The following PKHD1 variants were observed in gnomAD, a reference collection of about 807,000 sequenced individuals.
The protein encoded by PKHD1 is PKHD1 ciliary IPT domain containing fibrocystin/polyductin.
Under a neutral mutation model 412.0 loss-of-function variants are expected in PKHD1, and 291 were observed. The ratio of observed to expected loss-of-function variants is 0.71; its 90% confidence interval spans 0.64 to 0.78. The LOEUF is 0.78. Ranked by LOEUF, PKHD1 falls within the 30% of genes least tolerant of loss-of-function variation. The pLI, the probability that PKHD1 is intolerant of heterozygous loss-of-function variation, is 0.00. For synonymous variants in PKHD1, 1,777 were observed against 1,821.5 expected (o/e 0.98, Z 0.62); for missense variants, 4,825 against 4,950.7 (o/e 0.97, Z 0.76).
chr6:51,722,132 C>G, intron 60 of PKHD1: 1 of 1,560,634 alleles, frequency 6.4e-7, no homozygotes, highest in South Asian at 1.1e-5. Context: ...TGAAAATACC[C>G]CACACCTTGT....
At chr6:51,798,990 T>G (rs999771866) in intron 52 of PKHD1, among the ~76,000 whole-genome samples, 4 of 152,182 alleles carry the variant, frequency 2.6e-5, no homozygotes, top group African/African-American at 9.7e-5. Context: ...GAAGAAATTT[T>G]CCCTTTCAAT....
chr6:51,878,728 G>A (rs375622203), intron 46 of PKHD1, among the ~76,000 whole-genome samples: 36 of 23,908 alleles, frequency 1.5e-3, no homozygotes, highest in Non-Finnish European at 1.9e-3. Flanking sequence ...CTCTCTCACC[G>A]CTCCTATTCA....
chr6:51,717,506 T>C (rs1446745723), intron 60 of PKHD1, among the ~76,000 whole-genome samples: 3 of 152,206 alleles, frequency 2.0e-5, no homozygotes, highest in Non-Finnish European at 4.4e-5. Flanking sequence ...GTTCTATGTT[T>C]AGATAAACAA....
chr6:51,683,685 G>A (rs1480439690), intron 60 of PKHD1, among the ~76,000 whole-genome samples: 1 of 151,910 alleles, frequency 6.6e-6, no homozygotes, highest in Non-Finnish European at 1.5e-5. Context: ...TAAATTCCGG[G>A]GGCAGTGTGA....
At chr6:51,998,643 GTTGT>G (rs1311250460) in intron 35 of PKHD1, among the ~76,000 whole-genome samples, 1 of 151,890 alleles carries the variant, frequency 6.6e-6, no homozygotes, top group Admixed American at 6.5e-5. Flanking sequence ...TGCCTTTCCT[GTTGT>G]TTATTTGTTT....
At chr6:51,931,476 A>G (rs1415608387) in intron 37 of PKHD1, among the ~76,000 whole-genome samples, 1 of 152,172 alleles carries the variant, frequency 6.6e-6, no homozygotes, top group Non-Finnish European at 1.5e-5. Flanking sequence ...TAGCCATGAT[A>G]TACCACCACG....
At chr6:51,890,586 G>T (rs987327453) in intron 43 of PKHD1, among the ~76,000 whole-genome samples, 3 of 152,006 alleles carry the variant, frequency 2.0e-5, no homozygotes, top group African/African-American at 7.3e-5. Flanking sequence ...GGCACCGGAG[G>T]TAGTGTTTGA....
rs765481635 is a variant in PKHD1 at position 51,772,744 on chromosome 6, G to A, written c.8600C>T (p.Ser2867Phe). ...VHLYSAYPKN[S>F]WTHLGADIAS... is the part of the protein sequence containing the mutation. ...AATATCAGCTCCAAGATGTGTCCAG[G>A]AGTTCTTAGGATAAGCACTGTAAAG... The change falls in exon 55 of 67, where the codon TCC (serine) becomes TTC (phenylalanine). Residue 2867 changes from serine to phenylalanine, a missense_variant. Transcript: ENST00000371117. 7 of 1,600,440 alleles carry A rather than the reference G, an allele frequency of 4.4e-6. No individual in the cohort carries two copies. Among genetic ancestry groups the A allele is most frequent in the Non-Finnish European group, 6.0e-6 (7 of 1,168,340 alleles).
At chr6:51,712,579 T>C (rs1227207124) in intron 60 of PKHD1, among the ~76,000 whole-genome samples, 1 of 152,224 alleles carries the variant, frequency 6.6e-6, no homozygotes, top group Admixed American at 6.5e-5. Flanking sequence ...GGTTCAGATA[T>C]ACCATTTGTT....
At chr6:51,926,364 G>A (rs551607417) in intron 37 of PKHD1, among the ~76,000 whole-genome samples, 10 of 152,018 alleles carry the variant, frequency 6.6e-5, no homozygotes, top group South Asian at 2.1e-4. Context: ...TTTTCTTTTC[G>A]CCTCAAGTTT....
At chr6:51,701,910 A>G (rs983457033) in intron 60 of PKHD1, among the ~76,000 whole-genome samples, 1 of 151,716 alleles carries the variant, frequency 6.6e-6, no homozygotes, top group African/African-American at 2.4e-5. Flanking sequence ...GAGAAAATTA[A>G]TTTCCACATT....
At chr6:51,807,437 C>CAAAAAA (rs1174429085) in intron 52 of PKHD1, among the ~76,000 whole-genome samples, 2 of 39,106 alleles carry the variant, frequency 5.1e-5, no homozygotes, top group Admixed American at 3.8e-4. Flanking sequence ...GACTCTGTCT[C>CAAAAAA]AAAAAAAAAA....
intron 60 of PKHD1, among the ~76,000 whole-genome samples, chr6:51,660,579 C>T (rs1010201845): frequency 6.6e-6 from 1 of 152,162 alleles, no homozygotes; most frequent in Non-Finnish European, 1.5e-5. Context: ...TCAGGGCTCT[C>T]AGGACTCCAT....
chr6:51,961,966 C>G (rs1792107755), intron 35 of PKHD1, among the ~76,000 whole-genome samples: 1 of 152,036 alleles, frequency 6.6e-6, no homozygotes, highest in South Asian at 2.1e-4. Context: ...ACCCAGAGAC[C>G]TACAATTTTA....
Position 51,659,667 on chromosome 6 carries a change from C to T in PKHD1, c.10459G>A (p.Gly3487Arg), listed in dbSNP as rs1320251450. 6.2e-7 allele frequency: 1 copy of T among 1,613,486 alleles called. No individual in the cohort carries two copies. Among genetic ancestry groups the T allele is most frequent in the Non-Finnish European group, 8.5e-7 (1 of 1,179,826 alleles). ...AGAAGCTTGGAGGTACTTTTGTTCC[C>T]CAATAGAAAAAAGCGCAAAACTTGA... ...TPQVLRFFLL[G>R]NKSTSKLLLA... The change falls in exon 61 of 67, where the codon GGG (glycine) becomes AGG (arginine). Residue 3487 changes from glycine (G) to arginine (R), a missense_variant. Coordinates refer to ENST00000371117, the MANE Select transcript of PKHD1 (RefSeq NM_138694.4).
Position 51,617,424 on chromosome 6 carries a change from T to C in PKHD1, c.*1657A>G, listed in dbSNP as rs979488526. On this transcript the variant is annotated 3_prime_UTR_variant, in exon 67 of 67. Coordinates refer to ENST00000371117, the MANE Select transcript of PKHD1 (RefSeq NM_138694.4). ...TAATTCTGTTGGTGCCCAAGCAAAA[T>C]ACATCATCTACAAAGAGGACTTACT... is the stretch of plus-strand genomic sequence containing the variant. 1 of 152,092 alleles carries C rather than the reference T, an allele frequency of 6.6e-6. No individual in the cohort carries two copies. Among genetic ancestry groups the C allele is most frequent in the Non-Finnish European group, 1.5e-5 (1 of 68,030 alleles). The allele number at this position is 152,092 out of a possible 1,614,324, so 9.4% of individuals were successfully genotyped here. A position where few individuals can be genotyped will look rare whatever the true frequency, so the allele number is the denominator to read the frequency against.
At chr6:51,721,102 C>A in intron 60 of PKHD1, 1 of 983,866 alleles carries the variant, frequency 1.0e-6, no homozygotes, top group Non-Finnish European at 1.2e-6. Flanking sequence ...CTATTTCCTC[C>A]ATCAGTGCAC....
At chr6:51,623,659 C>A (rs1159430899) in intron 66 of PKHD1, among the ~76,000 whole-genome samples, 1 of 152,160 alleles carries the variant, frequency 6.6e-6, no homozygotes, top group African/African-American at 2.4e-5. Flanking sequence ...TCTTGGCCCA[C>A]TGCGCCCTCC....
chr6:51,928,464 C>T (rs532018697), intron 37 of PKHD1, among the ~76,000 whole-genome samples: 1 of 152,266 alleles, frequency 6.6e-6, no homozygotes, highest in Non-Finnish European at 1.5e-5. Context: ...GGCAAATTTA[C>T]ACACCACATC....
Sources: gnomAD v4.1 joint callset for allele counts (sites outside exome capture counted in the v4.1 genomes callset) on GRCh38, gnomAD v4.1.1 for gene constraint, MANE v1.5 for transcripts, NCBI Gene and HGNC (gene_info 2026-07-23, HGNC 2026-07-21) for gene names.